CA10: variants seen among roughly 807,000 people sequenced by gnomAD.
The protein encoded by CA10 is carbonic anhydrase-related protein 10.
Under a neutral mutation model 44.2 loss-of-function variants are expected in CA10, and 14 were observed. That is an observed-to-expected ratio of 0.32 (90% CI 0.21 to 0.50). CA10 has a LOEUF of 0.50. Among genes scored for constraint, CA10 ranks in the 20% least tolerant of loss-of-function variants. CA10 has a pLI of 0.99. For missense variants in CA10, 350 were observed against 409.7 expected (o/e 0.85, Z 1.26); for synonymous variants, 159 against 141.6 (o/e 1.12, Z -0.87).
chr17:52,087,556 T>C (rs1988150468), intron 1 of CA10, among the ~76,000 whole-genome samples: 1 of 152,246 alleles, frequency 6.6e-6, no homozygotes, highest in Non-Finnish European at 1.5e-5. Context: ...CTTCCCTGAA[T>C]AACTTTTCTT....
At chr17:51,937,488 G>C (rs1834809870) in intron 2 of CA10, among the ~76,000 whole-genome samples, 1 of 152,114 alleles carries the variant, frequency 6.6e-6, no homozygotes, top group Admixed American at 6.6e-5. Flanking sequence ...ATAGCACATG[G>C]AGGGTCTTTA....
chr17:52,005,119 C>T (rs1985553504), intron 2 of CA10, among the ~76,000 whole-genome samples: 2 of 151,844 alleles, frequency 1.3e-5, no homozygotes. Context: ...GTTGTGAATA[C>T]CTCTATAGCA....
chr17:52,144,857 A>G (rs1015253404), intron 1 of CA10, among the ~76,000 whole-genome samples: 1 of 152,162 alleles, frequency 6.6e-6, no homozygotes, highest in East Asian at 1.9e-4. Flanking sequence ...GCCAAACACC[A>G]GGCTCCATTT....
chr17:52,008,790 G>T (rs1985688702), intron 2 of CA10, among the ~76,000 whole-genome samples: 1 of 151,786 alleles, frequency 6.6e-6, no homozygotes. Flanking sequence ...CTTATTTTTT[G>T]ATCCTGCTTT....
intron 6 of CA10, among the ~76,000 whole-genome samples, chr17:51,646,121 T>C (rs534747088): frequency 1.3e-5 from 2 of 152,304 alleles, no homozygotes; most frequent in African/African-American, 4.8e-5. Context: ...ATGCTTATCA[T>C]TGAATGCTTG....
intron 3 of CA10, 121 bp from the exon 4 acceptor site, chr17:51,747,939 A>G: frequency 1.4e-6 from 1 of 709,912 alleles, no homozygotes; most frequent in Non-Finnish European, 2.4e-6. Context: ...GGCTAAATCC[A>G]CATGTGGAGT....
chr17:51,744,657 A>G (rs1272120376), intron 4 of CA10, among the ~76,000 whole-genome samples: 1 of 152,170 alleles, frequency 6.6e-6, no homozygotes, highest in Non-Finnish European at 1.5e-5. Context: ...AGTAATATGA[A>G]GTCACAATTT....
chr17:52,096,192 G>C (rs1988396870), intron 1 of CA10, among the ~76,000 whole-genome samples: 1 of 152,134 alleles, frequency 6.6e-6, no homozygotes, highest in Admixed American at 6.6e-5. Flanking sequence ...AAAGCAGCAG[G>C]CCTGAGTGTC....
intron 3 of CA10, among the ~76,000 whole-genome samples, chr17:51,819,923 CCT>C (rs1422466719): frequency 6.6e-6 from 1 of 152,074 alleles, no homozygotes. Flanking sequence ...TCTGCCTGTT[CCT>C]CTTTGTTTAT....
Position 52,123,844 on chromosome 17 carries a change from T to G in CA10, c.61+33882A>C, listed in dbSNP as rs187410150. Among the ~76,000 whole-genome samples, 17 of 152,234 alleles carry G rather than the reference T, an allele frequency of 1.1e-4. No homozygotes were observed. The East Asian group carries it at 2.9e-3, about 26-fold the overall frequency. On this transcript the variant is annotated intron_variant, in intron 1 of 8. Transcript: ENST00000451037. ...CATTGTTTTAACATCCGAATAAACT[T>G]TAAAAGGCATCAGGATTAGAAAACC...
intron 3 of CA10, among the ~76,000 whole-genome samples, chr17:51,809,109 A>G (rs1907253388): frequency 6.6e-6 from 1 of 152,054 alleles, no homozygotes; most frequent in Non-Finnish European, 1.5e-5. Context: ...AAAAAATACA[A>G]TGATGCAAAT....
chr17:52,045,423 T>G (rs1986885611), intron 2 of CA10, among the ~76,000 whole-genome samples: 1 of 152,048 alleles, frequency 6.6e-6, no homozygotes, highest in African/African-American at 2.4e-5. Context: ...TGAAAGATTT[T>G]TCTCATTTTT....
chr17:51,902,074 T>TC (rs1981341365), intron 3 of CA10, among the ~76,000 whole-genome samples: 1 of 152,152 alleles, frequency 6.6e-6, no homozygotes, highest in South Asian at 2.1e-4. Context: ...GTCTTATTTT[T>TC]CTCTTATAAG....
chr17:52,054,919 G>C (rs1442807083), intron 2 of CA10, among the ~76,000 whole-genome samples: 1 of 152,068 alleles, frequency 6.6e-6, no homozygotes, highest in South Asian at 2.1e-4. Context: ...GAAGTGACTT[G>C]AATATTCATT....
At chr17:51,830,782 T>C (rs1268700587) in intron 3 of CA10, among the ~76,000 whole-genome samples, 2 of 152,172 alleles carry the variant, frequency 1.3e-5, no homozygotes, top group Non-Finnish European at 2.9e-5. Flanking sequence ...TGTCATCTAG[T>C]AGATATTTGC....
chr17:51,906,288 G>A (rs145416466), intron 3 of CA10, among the ~76,000 whole-genome samples: 70 of 151,970 alleles, frequency 4.6e-4, no homozygotes, highest in African/African-American at 1.6e-3. Flanking sequence ...TTTTCCCCCC[G>A]GTATTCCACT....
chr17:51,644,968 T>C (rs565814868), intron 6 of CA10, among the ~76,000 whole-genome samples: 3 of 152,156 alleles, frequency 2.0e-5, no homozygotes, highest in African/African-American at 7.2e-5. Flanking sequence ...CAGCTAATTT[T>C]TGTATTTTTA....
intron 4 of CA10, among the ~76,000 whole-genome samples, chr17:51,739,384 C>A (rs1011930539): frequency 2.6e-5 from 4 of 151,982 alleles, no homozygotes; most frequent in Non-Finnish European, 5.9e-5. Context: ...GAGGCAGAAC[C>A]CTGATCAAAT....
intron 4 of CA10, among the ~76,000 whole-genome samples, chr17:51,721,684 C>T (rs1916354765): frequency 6.6e-6 from 1 of 151,930 alleles, no homozygotes; most frequent in Admixed American, 6.6e-5. Context: ...AAATCCTATC[C>T]ATCTGGTGAG....
Sources: gnomAD v4.1 joint callset for allele counts (sites outside exome capture counted in the v4.1 genomes callset) on GRCh38, gnomAD v4.1.1 for gene constraint, MANE v1.5 for transcripts, NCBI Gene and HGNC (gene_info 2026-07-23, HGNC 2026-07-21) for gene names.